The following TEAD1 variants were observed in gnomAD, a reference collection of about 807,000 sequenced individuals.
The protein encoded by TEAD1 is transcriptional enhancer factor TEF-1.
A neutral mutation model predicts 54.9 loss-of-function variants in TEAD1; 9 were observed. That is an observed-to-expected ratio of 0.16 (90% CI 0.10 to 0.29). The LOEUF (loss-of-function observed/expected upper bound fraction) is 0.29. TEAD1 is among the 10% of genes least tolerant of loss of function. The pLI is 1.00. For missense variants in TEAD1, 387 were observed against 535.9 expected, an observed-to-expected ratio of 0.72 and a Z score of 2.74; for synonymous variants, 200 against 187.8, an observed-to-expected ratio of 1.07 and a Z score of -0.53.
chr11:12,676,344 A>G (rs1292146471), intron 2 of TEAD1, among the ~76,000 whole-genome samples: 1 of 152,122 alleles, frequency 6.6e-6, no homozygotes, highest in Non-Finnish European at 1.5e-5. Context: ...CCCTTCAGGG[A>G]GATGTGATCC....
chr11:12,695,849 G>C (rs1426171178), intron 2 of TEAD1, among the ~76,000 whole-genome samples: 1 of 152,194 alleles, frequency 6.6e-6, no homozygotes, highest in Admixed American at 6.5e-5. Context: ...AGTTTCTACT[G>C]TGCCTGTGTC....
At chr11:12,850,094 T>G (rs1947240786) in intron 3 of TEAD1, among the ~76,000 whole-genome samples, 1 of 152,132 alleles carries the variant, frequency 6.6e-6, no homozygotes, top group Non-Finnish European at 1.5e-5. Context: ...TATATATCAG[T>G]TCAAGCAACG....
At chr11:12,790,499 T>C (rs190532263) in intron 3 of TEAD1, among the ~76,000 whole-genome samples, 88 of 152,330 alleles carry the variant, frequency 5.8e-4, no homozygotes, top group African/African-American at 2.0e-3. Flanking sequence ...CCCTAATTTG[T>C]ACTGGGCAGA....
At chr11:12,787,657 G>A (rs1286739180) in intron 3 of TEAD1, among the ~76,000 whole-genome samples, 3 of 152,026 alleles carry the variant, frequency 2.0e-5, no homozygotes, top group Admixed American at 6.6e-5. Context: ...GAACTTTCTC[G>A]GCTTTACTTT....
chr11:12,818,306 T>G (rs1341660724), intron 3 of TEAD1, among the ~76,000 whole-genome samples: 2 of 152,232 alleles, frequency 1.3e-5, no homozygotes, highest in East Asian at 3.8e-4. Context: ...CCATGAAATT[T>G]GGTGTCACCA....
At chr11:12,711,977 C>A (rs531044071) in intron 2 of TEAD1, among the ~76,000 whole-genome samples, 1 of 152,304 alleles carries the variant, frequency 6.6e-6, no homozygotes, top group South Asian at 2.1e-4. Flanking sequence ...TACTCCTCTT[C>A]TCCAGGTCCT....
At chr11:12,917,205 G>A (rs551878215) in intron 10 of TEAD1, among the ~76,000 whole-genome samples, 3 of 152,316 alleles carry the variant, frequency 2.0e-5, no homozygotes, top group Non-Finnish European at 2.9e-5. Context: ...ACGACAGCTG[G>A]CAATGTGAGA....
chr11:12,786,331 G>T (rs889656784), intron 3 of TEAD1, among the ~76,000 whole-genome samples: 1 of 152,106 alleles, frequency 6.6e-6, no homozygotes, highest in Non-Finnish European at 1.5e-5. Context: ...AATGACAAAG[G>T]CCAGAGGAGA....
At chr11:12,724,740 A>G (rs1944281088) in intron 2 of TEAD1, among the ~76,000 whole-genome samples, 2 of 151,922 alleles carry the variant, frequency 1.3e-5, no homozygotes, top group African/African-American at 4.8e-5. Context: ...TGGGGGCCCT[A>G]CTCTGGGATG....
Position 12,936,736 on chromosome 11 carries a change from T to TA in TEAD1, c.1168-367dup, listed in dbSNP as rs147007739. Among the ~76,000 whole-genome samples, 1,359 of 152,282 alleles carry TA rather than the reference T, an allele frequency of 8.9e-3. 12 individuals carry two copies. The highest frequency in any genetic ancestry group is 0.029 in the African/African-American group (1,222 of 41,554). On this transcript the variant is annotated intron_variant, in intron 12 of 12. Transcript: ENST00000527636. ...TTACTTGTCAATTTAAAAATTCAGATAAAAAATAAGACAATTTCTTAGAGT... is the reference window on the plus strand; with the variant it reads ...TTACTTGTCAATTTAAAAATTCAGATAAAAAAATAAGACAATTTCTTAGAGT...
intron 3 of TEAD1, among the ~76,000 whole-genome samples, chr11:12,779,131 A>G (rs1450171805): frequency 6.6e-6 from 1 of 152,096 alleles, no homozygotes; most frequent in African/African-American, 2.4e-5. Context: ...TGTAAATGTT[A>G]CTTTTTTCAG....
intron 2 of TEAD1, among the ~76,000 whole-genome samples, chr11:12,719,862 G>C (rs1190611548): frequency 2.0e-5 from 3 of 151,478 alleles, no homozygotes; most frequent in Non-Finnish European, 4.4e-5. Context: ...AAAGAGGGGA[G>C]GGCTGAGTAG....
At chr11:12,926,374 G>A (rs1948902938) in intron 11 of TEAD1, among the ~76,000 whole-genome samples, 1 of 152,128 alleles carries the variant, frequency 6.6e-6, no homozygotes, top group Admixed American at 6.5e-5. Flanking sequence ...GACAATTTAA[G>A]CTTAGGGGTC....
intron 3 of TEAD1, among the ~76,000 whole-genome samples, chr11:12,855,434 CAT>C (rs1293141153): frequency 3.9e-5 from 6 of 152,058 alleles, no homozygotes; most frequent in Non-Finnish European, 8.8e-5. Context: ...GGATTACAGG[CAT>C]GTGCCACCAC....
intron 2 of TEAD1, among the ~76,000 whole-genome samples, chr11:12,755,095 G>A (rs540339780): frequency 6.6e-6 from 1 of 152,324 alleles, no homozygotes; most frequent in Admixed American, 6.5e-5. Flanking sequence ...GCTGTCAACA[G>A]ACTGTGTAAC....
chr11:12,869,820 C>G (rs551317997), intron 5 of TEAD1, among the ~76,000 whole-genome samples: 1 of 152,290 alleles, frequency 6.6e-6, no homozygotes, highest in African/African-American at 2.4e-5. Flanking sequence ...CTTAGAAAAT[C>G]AAATCCAGTG....
chr11:12,857,578 C>CTGTGTGTGTGTGTGTG lies in TEAD1; in HGVS notation c.203-4652_203-4637dup, dbSNP rs10694132. ...ATCAAGCATCTCTCTCTCTCTGTCT[C>CTGTGTGTGTGTGTGTG]TGTGTGTGTGTGTGTGTGTGTGTGT... On this transcript the variant is annotated intron_variant, in intron 3 of 12. Transcript: ENST00000527636. 8.8e-3 allele frequency among the ~76,000 whole-genome samples: 1,276 copies of CTGTGTGTGTGTGTGTG among 145,816 alleles called. 22 individuals carry two copies. The highest frequency in any genetic ancestry group is 0.027 in the African/African-American group (1,051 of 38,784).
chr11:12,816,070 G>A (rs559683597), intron 3 of TEAD1, among the ~76,000 whole-genome samples: 4 of 152,300 alleles, frequency 2.6e-5, no homozygotes, highest in South Asian at 2.1e-4. Context: ...AGCAAGCTGC[G>A]GTCTGCCTTC....
chr11:12,886,246 C>G (rs984227907), intron 9 of TEAD1, among the ~76,000 whole-genome samples: 1 of 152,164 alleles, frequency 6.6e-6, no homozygotes, highest in Non-Finnish European at 1.5e-5. Context: ...ATAAGTGTTT[C>G]AGGTACGTTC....
Sources: gnomAD v4.1 joint callset for allele counts (sites outside exome capture counted in the v4.1 genomes callset) on GRCh38, gnomAD v4.1.1 for gene constraint, MANE v1.5 for transcripts, NCBI Gene and HGNC (gene_info 2026-07-23, HGNC 2026-07-21) for gene names.